KIF26B: variants seen among roughly 807,000 people sequenced by gnomAD.
KIF26B encodes kinesin-like protein KIF26B.
KIF26B carries 63 observed loss-of-function variants against 151.2 expected under a neutral mutation model. The observed-to-expected ratio is 0.42, with a 90% CI of 0.34 to 0.51. KIF26B has a LOEUF of 0.51. Ranked by LOEUF, KIF26B falls within the 20% of genes least tolerant of loss-of-function variation. The probability of loss-of-function intolerance (pLI) is 0.07; values close to 1 mark genes in which losing one functional copy is unlikely to be tolerated. For synonymous variants in KIF26B, 1,357 were observed against 1,262.1 expected (o/e 1.08, Z -1.59); for missense variants, 2,813 against 2,913.6 (o/e 0.97, Z 0.79).
At position 245,685,803 on chromosome 1, in the gene KIF26B, G is replaced by A; in HGVS notation, c.2820G>A (p.Glu940=). The A allele has an allele frequency of 6.2e-7, 1 of 1,609,746 alleles. No individual in the cohort carries two copies. The highest frequency in any genetic ancestry group is 1.1e-5 in the South Asian group (1 of 90,964). Residue 940 remains glutamate, a synonymous_variant, in exon 12 of 15, where the codon GAG becomes GAA. Coordinates refer to ENST00000407071, the MANE Select transcript of KIF26B (RefSeq NM_018012.4). ...QERLDCIDGS[E]EPSSFPFEEL... Reference sequence around the variant, plus strand: ...GGCTGGACTGCATCGACGGCAGCGAGGAGCCCAGCAGCTTTCCTTTCGAAG... The same window carrying A: ...GGCTGGACTGCATCGACGGCAGCGAAGAGCCCAGCAGCTTTCCTTTCGAAG...
intron 10 of KIF26B, among the ~76,000 whole-genome samples, chr1:245,664,856 T>TCACATA (rs2044196518): frequency 6.6e-6 from 1 of 152,202 alleles, no homozygotes; most frequent in African/African-American, 2.4e-5. Context: ...TTTTTCTCCT[T>TCACATA]CACATAATCC....
chr1:245,639,736 G>A (rs2043868970), intron 9 of KIF26B, among the ~76,000 whole-genome samples: 1 of 151,816 alleles, frequency 6.6e-6, no homozygotes, highest in South Asian at 2.1e-4. Flanking sequence ...TGATCATCCA[G>A]GAGCATGTTA....
intron 10 of KIF26B, among the ~76,000 whole-genome samples, chr1:245,659,930 C>T (rs2147931765): frequency 6.6e-6 from 1 of 150,920 alleles, no homozygotes; most frequent in South Asian, 2.1e-4. Context: ...TGCCTGTAAT[C>T]TCAGCTACTC....
intron 4 of KIF26B, among the ~76,000 whole-genome samples, chr1:245,520,232 G>C (rs1319550320): frequency 6.6e-6 from 1 of 150,968 alleles, no homozygotes; most frequent in Non-Finnish European, 1.5e-5. Context: ...TTGACTTTTG[G>C]AATTGTCCTT....
intron 4 of KIF26B, among the ~76,000 whole-genome samples, chr1:245,533,400 G>A (rs1359848583): frequency 6.6e-6 from 1 of 152,110 alleles, no homozygotes; most frequent in African/African-American, 2.4e-5. Flanking sequence ...TGGATTTGTA[G>A]AGCTCGAATG....
chr1:245,349,876 G>T (rs989909066), intron 2 of KIF26B, among the ~76,000 whole-genome samples: 6 of 152,070 alleles, frequency 3.9e-5, no homozygotes, highest in Non-Finnish European at 5.9e-5. Context: ...ACACAATTCT[G>T]CAGTCCTTTG....
In KIF26B at chr1:245,667,037, C is replaced by T. The variant is rs935159279; in HGVS notation, c.2259-17196C>T. Among the ~76,000 whole-genome samples, 1 of 152,074 alleles carries T rather than the reference C, an allele frequency of 6.6e-6. No individual in the cohort carries two copies. Among genetic ancestry groups the T allele is most frequent in the African/African-American group, 2.4e-5 (1 of 41,398 alleles). Reference sequence around the variant, plus strand: ...CTCTGCTGTGATCCACCCTTGAAGACTGTGAGCTGTGCAGAACGAAGCAGG... The same window carrying T: ...CTCTGCTGTGATCCACCCTTGAAGATTGTGAGCTGTGCAGAACGAAGCAGG... On this transcript the variant is annotated intron_variant, in intron 10 of 14. Coordinates refer to ENST00000407071, the MANE Select transcript of KIF26B (RefSeq NM_018012.4). This position sits in a 1 kb window ranked among gnomAD's most constrained non-coding sequence, Gnocchi z 4.3.
chr1:245,416,770 C>T (rs1399482694), intron 3 of KIF26B, among the ~76,000 whole-genome samples: 4 of 152,026 alleles, frequency 2.6e-5, no homozygotes, highest in Non-Finnish European at 4.4e-5. Context: ...AGGCTGGAGC[C>T]CTGGAGTGTG....
At chr1:245,412,995 T>G (rs1674324030) in intron 3 of KIF26B, among the ~76,000 whole-genome samples, 1 of 152,158 alleles carries the variant, frequency 6.6e-6, no homozygotes, top group Non-Finnish European at 1.5e-5. Context: ...CCGAGGGATA[T>G]GATGTGCTGT....
intron 4 of KIF26B, among the ~76,000 whole-genome samples, chr1:245,439,766 A>T (rs1659023221): frequency 6.6e-6 from 1 of 152,214 alleles, no homozygotes; most frequent in Admixed American, 6.5e-5. Flanking sequence ...GAGGAAGGGG[A>T]TGTAAGGACT....
At chr1:245,590,677 G>A (rs907198767) in intron 5 of KIF26B, among the ~76,000 whole-genome samples, 3 of 152,170 alleles carry the variant, frequency 2.0e-5, no homozygotes, top group Non-Finnish European at 2.9e-5. Context: ...GGAGTCCAAG[G>A]CAGGAGGATC....
At chr1:245,603,047 A>C (rs939050944) in intron 6 of KIF26B, among the ~76,000 whole-genome samples, 1 of 152,036 alleles carries the variant, frequency 6.6e-6, no homozygotes, top group African/African-American at 2.4e-5. Context: ...GATCACACAC[A>C]GAAGCAGGAA....
rs1661081504 is a variant in KIF26B at position 245,520,660 on chromosome 1, CCAT to C, written c.1167-20106_1167-20104del. On this transcript the variant is annotated intron_variant, in intron 4 of 14. Coordinates refer to ENST00000407071, the MANE Select transcript of KIF26B (RefSeq NM_018012.4). The stretch of plus-strand genomic sequence containing the variant: ...TCCATCCATCCATCCATCCATCCAT[CCAT>C]TCTGTAAGTGTTTATTGAGTATCCA... Among the ~76,000 whole-genome samples the C allele has an allele frequency of 2.7e-5, 4 of 147,862 alleles. No homozygotes were observed. In the South Asian group the frequency reaches 8.8e-4, roughly 32 times the overall value.
chr1:245,687,989 T>A lies in KIF26B; in HGVS notation c.5006T>A (p.Leu1669Gln). 1 of 1,574,952 alleles carries A rather than the reference T, an allele frequency of 6.3e-7. No individual in the cohort carries two copies. Residue 1669 changes from leucine (L) to glutamine (Q), a missense_variant, in exon 12 of 15, where the codon CTG (leucine) becomes CAG (glutamine). Leu to Gln is a moderately radical substitution (Grantham distance 113). Transcript: ENST00000407071. The surrounding 1 kb of genome is among the most constrained non-coding windows in gnomAD (Gnocchi z 4.9). ...LEQLASRSNS[L>Q]GRATVSHYEC... is the part of the protein sequence containing the mutation. ...CAGCTGGCCAGCAGAAGCAACTCGC[T>A]GGGCAGGGCGACAGTCAGCCACTAC...
At chr1:245,319,573 A>G (rs1471907640) in intron 2 of KIF26B, among the ~76,000 whole-genome samples, 3 of 152,138 alleles carry the variant, frequency 2.0e-5, no homozygotes, top group South Asian at 2.1e-4. Context: ...CTGGATTACA[A>G]ACTATTCCGT....
rs1053816760 is a variant in KIF26B at position 245,606,943 on chromosome 1, G to A, written c.1558-708G>A. 2.6e-5 allele frequency among the ~76,000 whole-genome samples: 4 copies of A among 151,884 alleles called. No homozygotes were observed. Among genetic ancestry groups the A allele is most frequent in the Non-Finnish European group, 4.4e-5 (3 of 67,970 alleles). On this transcript the variant is annotated intron_variant, in intron 6 of 14. Coordinates refer to ENST00000407071, the MANE Select transcript of KIF26B (RefSeq NM_018012.4). This position sits in a 1 kb window ranked among gnomAD's most constrained non-coding sequence, Gnocchi z 4.6. The stretch of plus-strand genomic sequence containing the variant: ...TAGCCAGGCATGGTGGCACATGCCT[G>A]TAATCCCAGCTACTCGGGAGGCTGA...
Position 245,303,199 on chromosome 1 carries a change from T to TAAAGATCC in KIF26B, c.466-63635_466-63634insAAAGATCC, listed in dbSNP as rs1558381495. On this transcript the variant is annotated intron_variant, in intron 2 of 14. Transcript: ENST00000407071. ...TTTGTTGAACTAAACTAAATGTTCT[T>TAAAGATCC]TTTTTTTTTTTTTTTTTGCGACGGA... Among the ~76,000 whole-genome samples, 47 of 96,420 alleles carry TAAAGATCC rather than the reference T, an allele frequency of 4.9e-4. 1 individual carries two copies. Among genetic ancestry groups the TAAAGATCC allele is most frequent in the African/African-American group, 1.8e-3 (45 of 24,740 alleles). The allele number at this position is 96,420 out of a possible 152,430, so 63.3% of individuals were successfully genotyped here.
At chr1:245,271,512 G>A (rs2102963732) in intron 2 of KIF26B, among the ~76,000 whole-genome samples, 1 of 150,416 alleles carries the variant, frequency 6.6e-6, no homozygotes, top group South Asian at 2.1e-4. Context: ...TTATTATGTT[G>A]AGGCAATTTC....
chr1:245,408,208 T>C (rs1377468117), intron 3 of KIF26B, among the ~76,000 whole-genome samples: 1 of 152,114 alleles, frequency 6.6e-6, no homozygotes, highest in East Asian at 1.9e-4. Context: ...GTGAAATCAA[T>C]TACATCCAGA....
Sources: allele counts gnomAD v4.1 joint callset (sites outside exome capture counted in the v4.1 genomes callset), GRCh38; gene constraint gnomAD v4.1.1; non-coding constraint Gnocchi (gnomAD v3.1); transcripts MANE v1.5; gene names NCBI Gene and HGNC (gene_info 2026-07-23, HGNC 2026-07-21).